TLE1: variants seen among roughly 807,000 people sequenced by gnomAD.
TLE1 encodes the protein TLE family member 1, transcriptional corepressor.
A neutral mutation model predicts 89.8 loss-of-function variants in TLE1; 21 were observed. The ratio of observed to expected loss-of-function variants is 0.23; its 90% CI spans 0.17 to 0.34. The LOEUF is 0.34. TLE1 is among the 10% of genes least tolerant of loss of function. The pLI, the probability that TLE1 is intolerant of heterozygous loss-of-function variation, is 1.00. For missense variants in TLE1, 795 were observed against 1,031.2 expected, an observed-to-expected ratio of 0.77 and a Z score of 3.14; for synonymous variants, 447 against 407.6, an observed-to-expected ratio of 1.10 and a Z score of -1.16.
chr9:81,634,015 C>G, intron 7 of TLE1, 82 bp downstream of exon 7: 1 of 1,421,868 alleles, frequency 7.0e-7, no homozygotes, highest in South Asian at 1.5e-5. Context: ...TAGGTTGGGG[C>G]TCTCTTTAGC....
At chr9:81,621,366 G>A (rs1214009501) in intron 8 of TLE1, among the ~76,000 whole-genome samples, 1 of 152,194 alleles carries the variant, frequency 6.6e-6, no homozygotes, top group Non-Finnish European at 1.5e-5. Flanking sequence ...TAAAGCATCA[G>A]AACATGTTAC....
chr9:81,622,633 C>T (rs961098333), intron 8 of TLE1, among the ~76,000 whole-genome samples: 2 of 152,194 alleles, frequency 1.3e-5, no homozygotes, highest in Admixed American at 1.3e-4. Flanking sequence ...TCCGCTTGAG[C>T]GGCTTAAATG....
chr9:81,682,688 A>C (rs886231754), intron 4 of TLE1, among the ~76,000 whole-genome samples: 6 of 152,136 alleles, frequency 3.9e-5, no homozygotes, highest in African/African-American at 1.4e-4. Flanking sequence ...GCTCACATCA[A>C]CTTGCTGTTT....
rs1237484955 is a variant in TLE1 at position 81,584,439 on chromosome 9, C to G, written c.2205+9G>C. 1 of 1,613,744 alleles carries G rather than the reference C, an allele frequency of 6.2e-7. No individual in the cohort carries two copies. The highest frequency in any genetic ancestry group is 8.5e-7 in the Non-Finnish European group (1 of 1,179,686). ...AAACTGTGGATCTAGGTGAGGAGTA[C>G]TTACTCACCTGGAATATGCTGGCTC... On this transcript the variant is annotated intron_variant, in intron 19 of 19. Transcript: ENST00000376499.
At chr9:81,647,023 G>T (rs768118085) in intron 6 of TLE1, among the ~76,000 whole-genome samples, 1 of 152,038 alleles carries the variant, frequency 6.6e-6, no homozygotes, top group African/African-American at 2.4e-5. Flanking sequence ...GCCTAAACCC[G>T]AATTTCATGG....
chr9:81,660,566 A>C lies in TLE1; in HGVS notation c.235-6530T>G, dbSNP rs549687623. Among the ~76,000 whole-genome samples the C allele has an allele frequency of 2.8e-3, 431 of 151,308 alleles. 1 individual carries two copies. The highest frequency in any genetic ancestry group is 4.2e-3 in the Non-Finnish European group (286 of 67,788). Reference sequence around the variant, plus strand: ...GTAGCTGGGACTACAGGTGCCTGCTACCACACCCGGCTAATTTTTTTTTGT... The same window carrying C: ...GTAGCTGGGACTACAGGTGCCTGCTCCCACACCCGGCTAATTTTTTTTTGT... On this transcript the variant is annotated intron_variant, in intron 4 of 19. Transcript: ENST00000376499.
intron 17 of TLE1, among the ~76,000 whole-genome samples, chr9:81,586,269 G>A (rs957393132): frequency 5.9e-5 from 9 of 152,076 alleles, no homozygotes; most frequent in South Asian, 2.1e-4. Flanking sequence ...CACCCGCCTC[G>A]GCCTCCCAAA....
chr9:81,686,510 C>A (rs753848590), intron 2 of TLE1, among the ~76,000 whole-genome samples: 1 of 152,154 alleles, frequency 6.6e-6, no homozygotes, highest in East Asian at 1.9e-4. Context: ...AATGAGAAAG[C>A]CCCTGACAAA....
intron 4 of TLE1, among the ~76,000 whole-genome samples, chr9:81,668,350 T>A (rs2132892328): frequency 6.6e-6 from 1 of 152,212 alleles, no homozygotes; most frequent in Non-Finnish European, 1.5e-5. Context: ...CTAGCTAAAT[T>A]TTTCAAAGCA....
chr9:81,628,423 C>T (rs948336745), intron 8 of TLE1, among the ~76,000 whole-genome samples: 4 of 152,110 alleles, frequency 2.6e-5, no homozygotes, highest in Admixed American at 6.5e-5. Flanking sequence ...CGGGAATGAA[C>T]GTGATTTTTC....
At chr9:81,683,904 C>A (rs1242022656) in intron 4 of TLE1, among the ~76,000 whole-genome samples, 4 of 152,098 alleles carry the variant, frequency 2.6e-5, no homozygotes, top group Non-Finnish European at 4.4e-5. Flanking sequence ...CTTCTCCCTA[C>A]ATGATAAAGA....
chr9:81,675,857 C>G (rs1408810562), intron 4 of TLE1, among the ~76,000 whole-genome samples: 1 of 151,980 alleles, frequency 6.6e-6, no homozygotes, highest in East Asian at 1.9e-4. Flanking sequence ...CCTGCCACCA[C>G]GCCCAGCTAA....
In TLE1 at chr9:81,583,961, A is replaced by G. The variant is rs1264743723; in HGVS notation, c.*237T>C. On this transcript the variant is annotated 3_prime_UTR_variant, in exon 20 of 20. Coordinates refer to ENST00000376499, the MANE Select transcript of TLE1 (RefSeq NM_005077.5). ...GGCAGATTCCGTTCCTCAATCCTACAACCCATGGCCCCTCTGTCCGCTTGG... is the reference window on the plus strand; with the variant it reads ...GGCAGATTCCGTTCCTCAATCCTACGACCCATGGCCCCTCTGTCCGCTTGG... The G allele has an allele frequency of 3.0e-5, 15 of 507,362 alleles. No individual in the cohort carries two copies. Among genetic ancestry groups the G allele is most frequent in the Non-Finnish European group, 1.8e-5 (5 of 281,978 alleles). 31.4% of individuals were successfully genotyped at this position (507,362 alleles called of 1,614,324 possible).
At chr9:81,659,712 A>G (rs1174799724) in intron 4 of TLE1, among the ~76,000 whole-genome samples, 1 of 152,184 alleles carries the variant, frequency 6.6e-6, no homozygotes, top group Non-Finnish European at 1.5e-5. Flanking sequence ...TCCAAAAATT[A>G]GGGTTTGCAT....
chr9:81,627,373 A>G (rs1242785586), intron 8 of TLE1, among the ~76,000 whole-genome samples: 1 of 151,940 alleles, frequency 6.6e-6, no homozygotes, highest in African/African-American at 2.4e-5. Flanking sequence ...ACAGTGCAAT[A>G]AAACCTGAAC....
chr9:81,682,252 CAAAA>C (rs748984572), intron 4 of TLE1, among the ~76,000 whole-genome samples: 2 of 97,354 alleles, frequency 2.1e-5, no homozygotes, highest in Non-Finnish European at 2.1e-5. Context: ...GATTCCATCT[CAAAA>C]AAAAAAAAAA....
chr9:81,679,262 A>G lies in TLE1; in HGVS notation c.234+6414T>C, dbSNP rs570444010. On this transcript the variant is annotated intron_variant, in intron 4 of 19. Coordinates refer to ENST00000376499, the MANE Select transcript of TLE1 (RefSeq NM_005077.5). ...ATTTTCATTAAAAAATATTACGGTG[A>G]CTGGGTAGTCTACAAACAATAATTT... Among the ~76,000 whole-genome samples the G allele has an allele frequency of 1.4e-4, 21 of 152,218 alleles. No homozygotes were observed. The South Asian group carries it at 1.7e-3, about 12-fold the overall frequency.
rs536076033 is a variant in TLE1, at chr9:81,688,269, C to T, written c.-29G>A. The T allele has an allele frequency of 2.3e-5, 36 of 1,555,500 alleles. No individual in the cohort carries two copies. In the South Asian group the frequency reaches 3.3e-4, roughly 14 times the overall value. ...TCTGGCGGCGGCCGGGGCTCTGTTC[C>T]CCGGCAACTCAATTCTCCGGTCAAT... On this transcript the variant is annotated 5_prime_UTR_variant, in exon 1 of 20. Coordinates refer to ENST00000376499, the MANE Select transcript of TLE1 (RefSeq NM_005077.5).
chr9:81,601,875 C>A (rs1361270869), intron 14 of TLE1, among the ~76,000 whole-genome samples: 1 of 152,196 alleles, frequency 6.6e-6, no homozygotes, highest in Non-Finnish European at 1.5e-5. Flanking sequence ...CTGTCTCCCA[C>A]CTATTCAAGG....
Sources: allele counts gnomAD v4.1 joint callset (sites outside exome capture counted in the v4.1 genomes callset), GRCh38; gene constraint gnomAD v4.1.1; transcripts MANE v1.5; gene names NCBI Gene and HGNC (gene_info 2026-07-23, HGNC 2026-07-21).